The following IL12RB2 variants were observed in gnomAD, a reference collection of about 807,000 sequenced individuals.
IL12RB2 encodes the protein interleukin-12 receptor subunit beta-2.
IL12RB2 carries 82 observed loss-of-function variants against 89.4 expected under a neutral mutation model. The observed-to-expected ratio is 0.92, with a 90% CI of 0.77 to 1.10. The LOEUF (loss-of-function observed/expected upper bound fraction) is 1.10, where lower values mean the gene tolerates loss of function less well. Among genes scored for constraint, IL12RB2 ranks in the 50% least tolerant of loss-of-function variants. The probability of loss-of-function intolerance (pLI) is 0.00; values close to 1 mark genes in which losing one functional copy is unlikely to be tolerated. For missense variants in IL12RB2, 963 were observed against 1,031.9 expected (o/e 0.93, Z 0.92); for synonymous variants, 368 against 370.1 (o/e 0.99, Z 0.07).
chr1:67,372,917 C>G, intron 13 of IL12RB2, 134 bp downstream of exon 13: 1 of 735,048 alleles, frequency 1.4e-6, no homozygotes, highest in Non-Finnish European at 2.5e-6. Flanking sequence ...TCCATAAATA[C>G]TTGTAAAGTT....
Position 67,326,968 on chromosome 1 carries a change from T to TTTAC in IL12RB2, c.479+122_479+123insCTTA, listed in dbSNP as rs1553310387. ...TTTTATTTATTTATTTATTTATTTA[T>TTTAC]TTATTTATTTTGAGACGGAATCTCA... is the stretch of plus-strand genomic sequence containing the variant. On this transcript the variant is annotated intron_variant, in intron 5 of 16. Coordinates refer to ENST00000674203, the MANE Select transcript of IL12RB2 (RefSeq NM_001374259.2). 18 of 818,390 alleles carry TTTAC rather than the reference T, an allele frequency of 2.2e-5. No individual in the cohort carries two copies. The African/African-American group carries it at 3.3e-4, about 15-fold the overall frequency. The allele number at this position is 818,390 out of a possible 1,614,324, so 50.7% of individuals were successfully genotyped here.
chr1:67,327,021 C>T (rs978658852), intron 5 of IL12RB2, among the ~76,000 whole-genome samples, 172 bp downstream of exon 5: 14 of 150,872 alleles, frequency 9.3e-5, no homozygotes, highest in Non-Finnish European at 1.5e-5. Context: ...AGTGCAGTGG[C>T]GCAATCTCGG....
chr1:67,351,138 C>G lies in IL12RB2; in HGVS notation c.1258+49C>G, dbSNP rs191262112. On this transcript the variant is annotated intron_variant, in intron 10 of 16. Transcript: ENST00000674203. Reference sequence around the variant, plus strand: ...ATTGCCTGTGGAAAACTGTGTCTTACTCATCTCTTATCTCCTGCAGGCCCA... The same window carrying G: ...ATTGCCTGTGGAAAACTGTGTCTTAGTCATCTCTTATCTCCTGCAGGCCCA... 2.0e-5 allele frequency: 32 copies of G among 1,599,854 alleles called. No homozygotes were observed. The African/African-American group carries it at 4.0e-4, about 20-fold the overall frequency.
At chr1:67,335,042 C>T (rs1658585806) in intron 8 of IL12RB2, among the ~76,000 whole-genome samples, 1 of 152,226 alleles carries the variant, frequency 6.6e-6, no homozygotes, top group Admixed American at 6.5e-5. Context: ...AAACCCTTCT[C>T]TCCTTCACTT....
chr1:67,317,465 G>A (rs1258822526), intron 2 of IL12RB2, among the ~76,000 whole-genome samples: 6 of 152,116 alleles, frequency 3.9e-5, no homozygotes, highest in Non-Finnish European at 5.9e-5. Context: ...GCAGCAGAGC[G>A]AGTCCTTGGT....
At chr1:67,334,191 A>G (rs938104262) in intron 8 of IL12RB2, among the ~76,000 whole-genome samples, 3 of 152,236 alleles carry the variant, frequency 2.0e-5, no homozygotes, top group Non-Finnish European at 2.9e-5. Context: ...TATTGCCAAG[A>G]TAAGATAGGT....
chr1:67,367,234 T>TAA (rs17109849), intron 10 of IL12RB2, among the ~76,000 whole-genome samples: 6 of 146,820 alleles, frequency 4.1e-5, no homozygotes, highest in African/African-American at 7.5e-5. Context: ...CTCTGTCTAA[T>TAA]AAAAAAAAAA....
chr1:67,321,892 G>A lies in IL12RB2; in HGVS notation c.364+3G>A. On this transcript the variant is annotated splice_donor_region_variant and intron_variant, in intron 4 of 16. Transcript: ENST00000674203. ...TGGAGCAGAGATCTTCGTTGGTGGTGAGCATTCCATTTTGAATTTTTAAAA... is the reference window on the plus strand; with the variant it reads ...TGGAGCAGAGATCTTCGTTGGTGGTAAGCATTCCATTTTGAATTTTTAAAA... 1.2e-6 allele frequency: 2 copies of A among 1,612,226 alleles called. No homozygotes were observed. Among genetic ancestry groups the A allele is most frequent in the Middle Eastern group, 1.7e-4 (1 of 6,058 alleles).
chr1:67,365,605 G>C (rs2100965941), intron 10 of IL12RB2, among the ~76,000 whole-genome samples: 1 of 152,202 alleles, frequency 6.6e-6, no homozygotes, highest in Non-Finnish European at 1.5e-5. Context: ...CTGGTAAAGT[G>C]GCCAAGCCAG....
chr1:67,319,672 A>C (rs1227695197), intron 2 of IL12RB2, among the ~76,000 whole-genome samples: 1 of 152,224 alleles, frequency 6.6e-6, no homozygotes, highest in Admixed American at 6.5e-5. Context: ...CAGGTTAAGC[A>C]ACTTGCACAT....
At chr1:67,309,996 G>A (rs924615513) in intron 1 of IL12RB2, among the ~76,000 whole-genome samples, 3 of 151,866 alleles carry the variant, frequency 2.0e-5, no homozygotes, top group Admixed American at 6.6e-5. Context: ...CCAACATGGC[G>A]AAACCCTGTC....
intron 16 of IL12RB2, among the ~76,000 whole-genome samples, chr1:67,394,722 C>T (rs942194405): frequency 7.2e-5 from 11 of 152,128 alleles, no homozygotes; most frequent in Admixed American, 3.9e-4. Flanking sequence ...TCTGAAGCCT[C>T]GGGTTACCAG....
At chr1:67,382,387 A>G (rs542827726) in intron 14 of IL12RB2, among the ~76,000 whole-genome samples, 3 of 152,312 alleles carry the variant, frequency 2.0e-5, no homozygotes, top group African/African-American at 7.2e-5. Context: ...TCATTCAATC[A>G]GAAGAGGAGT....
At chr1:67,360,166 C>A (rs1370409688) in intron 10 of IL12RB2, among the ~76,000 whole-genome samples, 1 of 152,090 alleles carries the variant, frequency 6.6e-6, no homozygotes, top group East Asian at 1.9e-4. Context: ...CTTTGGGAGG[C>A]TGAGGCAGGT....
rs551249747 is a variant in IL12RB2, at chr1:67,372,450, T to C, written c.1474T>C (p.Tyr492His). ...SALISENIKSYICYEIRVYAL... is the reference protein window; with the variant it reads ...SALISENIKSHICYEIRVYAL... ...TTTCCTTGCAGAGAACATAAAATCC[T>C]ACATCTGTTATGAAATCCGTGTGTA... is the stretch of plus-strand genomic sequence containing the variant. Residue 492 changes from tyrosine to histidine, a missense_variant, in exon 12 of 17, where the codon TAC becomes CAC. Tyr to His is a moderately conservative substitution (Grantham distance 83, BLOSUM62 2). Coordinates refer to ENST00000674203, the MANE Select transcript of IL12RB2 (RefSeq NM_001374259.2). 216 of 1,574,640 alleles carry C rather than the reference T, an allele frequency of 1.4e-4. 4 individuals carry two copies. The South Asian group carries it at 2.3e-3, about 16-fold the overall frequency.
intron 9 of IL12RB2, among the ~76,000 whole-genome samples, chr1:67,343,317 A>C (rs1355911334): frequency 6.6e-6 from 1 of 152,206 alleles, no homozygotes; most frequent in African/African-American, 2.4e-5. Flanking sequence ...CCTGGGTTCA[A>C]GTGATCTGCC....
chr1:67,331,354 C>G (rs1218356961), intron 8 of IL12RB2, among the ~76,000 whole-genome samples: 1 of 152,090 alleles, frequency 6.6e-6, no homozygotes, highest in African/African-American at 2.4e-5. Context: ...ACCTGGCCAC[C>G]CATAACTATG....
intron 15 of IL12RB2, among the ~76,000 whole-genome samples, chr1:67,386,924 T>G (rs1570200863): frequency 8.9e-6 from 1 of 112,038 alleles, no homozygotes; most frequent in East Asian, 2.6e-4. Flanking sequence ...ATATTCTTTT[T>G]TTCCCCCAAA....
At chr1:67,319,574 T>G (rs1344657655) in intron 2 of IL12RB2, among the ~76,000 whole-genome samples, 1 of 152,164 alleles carries the variant, frequency 6.6e-6, no homozygotes, top group African/African-American at 2.4e-5. Context: ...AAACTCTCAC[T>G]GGTCAAACTA....
Sources: gnomAD v4.1 joint callset for allele counts (sites outside exome capture counted in the v4.1 genomes callset) on GRCh38, gnomAD v4.1.1 for gene constraint, MANE v1.5 for transcripts, NCBI Gene and HGNC (gene_info 2026-07-23, HGNC 2026-07-21) for gene names.